The following ITPR2 variants were observed in gnomAD, a reference collection of about 807,000 sequenced individuals.
ITPR2 encodes inositol 1,4,5-trisphosphate-gated calcium channel ITPR2.
Under a neutral mutation model 317.1 loss-of-function variants are expected in ITPR2, and 207 were observed. That is an observed-to-expected ratio of 0.65 (90% CI 0.58 to 0.73). The LOEUF (loss-of-function observed/expected upper bound fraction) is 0.73. ITPR2 is among the 30% of genes least tolerant of loss of function. The pLI is 0.00. For missense variants in ITPR2, 2,613 were observed against 3,284.0 expected (o/e 0.80, Z 4.99); for synonymous variants, 1,156 against 1,149.1 (o/e 1.01, Z -0.12).
rs1331344438 is a variant in ITPR2, at chr12:26,589,825, T to A, written c.4380+5640A>T. On this transcript the variant is annotated intron_variant, in intron 32 of 56. Coordinates refer to ENST00000381340, the MANE Select transcript of ITPR2 (RefSeq NM_002223.4). ...AATAAATAAAAAATAAATAAATAAA[T>A]AAATAAACATATATATATATATATA... Among the ~76,000 whole-genome samples the A allele has an allele frequency of 1.1e-3, 31 of 27,352 alleles. 4 individuals are homozygous for A. Among genetic ancestry groups the A allele is most frequent in the Admixed American group, 2.4e-3 (6 of 2,466 alleles). 17.9% of individuals were successfully genotyped at this position (27,352 alleles called of 152,430 possible).
At chr12:26,666,264 T>TA (rs565097713) in intron 13 of ITPR2, among the ~76,000 whole-genome samples, 6 of 152,156 alleles carry the variant, frequency 3.9e-5, no homozygotes, top group Non-Finnish European at 5.9e-5. Flanking sequence ...TGTTTTATAA[T>TA]AAAAAAGTAT....
Position 26,665,972 on chromosome 12 carries a change from C to T in ITPR2, c.1489G>A (p.Val497Ile). The change falls in exon 14 of 57, where the codon GTT becomes ATT. Residue 497 changes from valine (V) to isoleucine (I), a missense_variant. Physicochemically the swap from Val to Ile is conservative, Grantham distance 29 (BLOSUM62 3). Transcript: ENST00000381340. ...PNNGQEVLDV[V>I]ITKPNRERQK... ...CGCTCTCGGTTTGGCTTAGTGATAA[C>T]CACATCCAGAACTTCTTGTCCATTA... The T allele has an allele frequency of 3.7e-6, 6 of 1,613,832 alleles. No individual in the cohort carries two copies. The highest frequency in any genetic ancestry group is 1.3e-5 in the African/African-American group (1 of 75,018).
intron 13 of ITPR2, among the ~76,000 whole-genome samples, chr12:26,676,782 TA>T (rs74336625): frequency 0.18 from 27,454 of 151,772 alleles, 3,288 homozygotes; most frequent in Non-Finnish European, 0.26. Flanking sequence ...ATGTTTTAAG[TA>T]AAAAAAAGAT....
rs551117423 is a variant in ITPR2, at chr12:26,832,842, C to T, written c.-61G>A. 6.8e-6 allele frequency: 9 copies of T among 1,326,420 alleles called. No homozygotes were observed. The South Asian group carries it at 8.5e-5, about 13-fold the overall frequency. 82.2% of individuals were successfully genotyped at this position (1,326,420 alleles called of 1,614,324 possible). On this transcript the variant is annotated 5_prime_UTR_variant, in exon 1 of 57. Coordinates refer to ENST00000381340, the MANE Select transcript of ITPR2 (RefSeq NM_002223.4). The stretch of plus-strand genomic sequence containing the variant: ...TCCCTGCGCCCTCGCCGCCCTCTCT[C>T]CAGGGAGCCGCCGCGGCAGAAGCGG...
At chr12:26,487,414 A>G (rs1942698455) in intron 39 of ITPR2, among the ~76,000 whole-genome samples, 163 bp from the exon 40 acceptor site, 1 of 152,170 alleles carries the variant, frequency 6.6e-6, no homozygotes, top group Non-Finnish European at 1.5e-5. Context: ...GTACTATTTA[A>G]TGTGTACTAA....
chr12:26,381,924 T>A (rs1939521483), intron 55 of ITPR2, among the ~76,000 whole-genome samples: 1 of 152,108 alleles, frequency 6.6e-6, no homozygotes, highest in Admixed American at 6.5e-5. Flanking sequence ...TTAATATACC[T>A]CAGCAAATGA....
At chr12:26,580,495 T>C (rs897494754) in intron 32 of ITPR2, among the ~76,000 whole-genome samples, 1 of 152,140 alleles carries the variant, frequency 6.6e-6, no homozygotes, top group African/African-American at 2.4e-5. Context: ...TTCCACTCAA[T>C]GTAAGAGACC....
chr12:26,389,250 ACCT>A (rs1394710650), intron 54 of ITPR2, among the ~76,000 whole-genome samples: 1 of 152,078 alleles, frequency 6.6e-6, no homozygotes, highest in African/African-American at 2.4e-5. Context: ...TGGCTCCTCC[ACCT>A]CCTCAAGATA....
chr12:26,725,533 T>A, intron 3 of ITPR2, 117 bp downstream of exon 3: 2 of 675,840 alleles, frequency 3.0e-6, no homozygotes, highest in Non-Finnish European at 5.2e-6. Context: ...TGTTGCTATA[T>A]GTATTCTAAA....
intron 37 of ITPR2, among the ~76,000 whole-genome samples, chr12:26,507,479 A>G (rs998201782): frequency 6.6e-6 from 1 of 152,250 alleles, no homozygotes; most frequent in Non-Finnish European, 1.5e-5. Flanking sequence ...TAATGCATTT[A>G]GAACTGTAAC....
At chr12:26,481,661 G>A (rs1942547590) in intron 42 of ITPR2, among the ~76,000 whole-genome samples, 1 of 152,182 alleles carries the variant, frequency 6.6e-6, no homozygotes, top group South Asian at 2.1e-4. Context: ...TCATACCTGA[G>A]ATTTGTAGGC....
chr12:26,535,258 G>A lies in ITPR2; in HGVS notation c.5073+14989C>T, dbSNP rs547164158. Among the ~76,000 whole-genome samples the A allele has an allele frequency of 2.6e-5, 4 of 152,132 alleles. No individual in the cohort carries two copies. The South Asian group carries it at 8.3e-4, about 32-fold the overall frequency. On this transcript the variant is annotated intron_variant, in intron 37 of 56. Coordinates refer to ENST00000381340, the MANE Select transcript of ITPR2 (RefSeq NM_002223.4). ...TAGAGGTAACATTAAAATAAATCAG[G>A]AACTACTATACACAATAAAAATGAT... is the stretch of plus-strand genomic sequence containing the variant.
At chr12:26,341,840 T>A (rs1442236104) in intron 55 of ITPR2, among the ~76,000 whole-genome samples, 1 of 152,204 alleles carries the variant, frequency 6.6e-6, no homozygotes, top group Non-Finnish European at 1.5e-5. Flanking sequence ...CAAAATCCCC[T>A]GGTTGCTTGT....
intron 55 of ITPR2, among the ~76,000 whole-genome samples, chr12:26,382,537 T>C (rs962287019): frequency 2.0e-5 from 3 of 152,062 alleles, no homozygotes; most frequent in Non-Finnish European, 4.4e-5. Context: ...TGGTGGTGCA[T>C]GACTGTAGTC....
intron 2 of ITPR2, among the ~76,000 whole-genome samples, chr12:26,731,185 C>A (rs1949023328): frequency 6.6e-6 from 1 of 152,126 alleles, no homozygotes; most frequent in African/African-American, 2.4e-5. Flanking sequence ...TTAAATGAGG[C>A]AAGTGCCTGT....
chr12:26,682,785 A>G, intron 11 of ITPR2, 112 bp from the exon 12 acceptor site: 1 of 644,098 alleles, frequency 1.6e-6, no homozygotes, highest in South Asian at 2.1e-5. Context: ...TTAACTAGTA[A>G]TTGACTCAAG....
intron 2 of ITPR2, among the ~76,000 whole-genome samples, chr12:26,783,828 G>T (rs994706781): frequency 7.0e-6 from 1 of 143,876 alleles, no homozygotes. Flanking sequence ...GACACACAAG[G>T]CATATTCTAT....
chr12:26,766,949 G>A (rs185564986), intron 2 of ITPR2, among the ~76,000 whole-genome samples: 191 of 152,238 alleles, frequency 1.3e-3, no homozygotes, highest in Non-Finnish European at 2.2e-3. Flanking sequence ...ATATATGCAG[G>A]TGCATGTGTG....
intron 1 of ITPR2, among the ~76,000 whole-genome samples, chr12:26,819,313 T>C (rs563689315): frequency 6.6e-6 from 1 of 152,300 alleles, no homozygotes. Flanking sequence ...ATATTGTATC[T>C]TTTGGAATTG....
Sources: gnomAD v4.1 joint callset for allele counts (sites outside exome capture counted in the v4.1 genomes callset) on GRCh38, gnomAD v4.1.1 for gene constraint, MANE v1.5 for transcripts, NCBI Gene and HGNC (gene_info 2026-07-23, HGNC 2026-07-21) for gene names.